Variants in CNTN4 observed in about 807,000 individuals in gnomAD.
The protein encoded by CNTN4 is contactin 4.
CNTN4 carries 77 observed loss-of-function variants against 122.5 expected under a neutral mutation model. The ratio of observed to expected loss-of-function variants is 0.63; its 90% CI spans 0.52 to 0.76. CNTN4 has a LOEUF of 0.76. Ranked by LOEUF, CNTN4 falls within the 30% of genes least tolerant of loss-of-function variation. CNTN4 has a pLI of 0.00. For synonymous variants in CNTN4, 512 were observed against 447.0 expected (o/e 1.15, Z -1.83); for missense variants, 1,256 against 1,259.1 (o/e 1.00, Z 0.04).
intron 2 of CNTN4, among the ~76,000 whole-genome samples, chr3:2,253,097 C>T (rs938938843): frequency 3.3e-5 from 5 of 151,798 alleles, no homozygotes; most frequent in Non-Finnish European, 5.9e-5. Flanking sequence ...TTCCTGCAAT[C>T]TAGAATTAGT....
rs1349002407 is a variant in CNTN4, at chr3:2,778,125, A to T, written c.358+32428A>T. ...GCTACTCAGGAGGCTGAGGCAGGAGAATGGCGGGAACCCAGGAAGCGGAGC... is the reference window on the plus strand; with the variant it reads ...GCTACTCAGGAGGCTGAGGCAGGAGTATGGCGGGAACCCAGGAAGCGGAGC... On this transcript the variant is annotated intron_variant, in intron 6 of 24. Transcript: ENST00000418658. Among the ~76,000 whole-genome samples, 2 of 140,488 alleles carry T rather than the reference A, an allele frequency of 1.4e-5. 1 individual carries two copies. The highest frequency in any genetic ancestry group is 3.1e-5 in the Non-Finnish European group (2 of 65,230). The allele number at this position is 140,488 out of a possible 152,430, so 92.2% of individuals were successfully genotyped here.
intron 2 of CNTN4, among the ~76,000 whole-genome samples, chr3:2,138,568 G>C (rs1454972223): frequency 6.6e-6 from 1 of 152,196 alleles, no homozygotes; most frequent in Non-Finnish European, 1.5e-5. Flanking sequence ...CAGATTGTGA[G>C]TGGTCATCAT....
At chr3:2,145,971 G>T (rs563268386) in intron 2 of CNTN4, among the ~76,000 whole-genome samples, 1 of 150,370 alleles carries the variant, frequency 6.7e-6, no homozygotes, top group South Asian at 2.1e-4. Context: ...AATGAAGTTG[G>T]CATTAGTTTT....
At chr3:2,168,442 T>C (rs2149218083) in intron 2 of CNTN4, among the ~76,000 whole-genome samples, 1 of 152,136 alleles carries the variant, frequency 6.6e-6, no homozygotes, top group South Asian at 2.1e-4. Context: ...GATTCTAATA[T>C]GTGGTCAGAT....
At chr3:2,527,771 T>G (rs1273772060) in intron 3 of CNTN4, among the ~76,000 whole-genome samples, 2 of 152,140 alleles carry the variant, frequency 1.3e-5, no homozygotes, top group Non-Finnish European at 2.9e-5. Flanking sequence ...CTAGATGTCT[T>G]TCAGCCTTGC....
intron 10 of CNTN4, chr3:2,892,174 A>C (rs2094049911): frequency 6.6e-6 from 1 of 152,230 alleles, no homozygotes; most frequent in African/African-American, 2.4e-5. Context: ...GTGCATCACA[A>C]TCACTTGGAA....
At chr3:2,785,146 T>TATAG (rs1373817502) in intron 6 of CNTN4, among the ~76,000 whole-genome samples, 19 of 150,918 alleles carry the variant, frequency 1.3e-4, no homozygotes, top group Non-Finnish European at 1.9e-4. Flanking sequence ...CACATATATA[T>TATAG]AGAGAGAGAG....
chr3:2,646,741 T>G (rs2083139133), intron 4 of CNTN4, among the ~76,000 whole-genome samples: 1 of 152,212 alleles, frequency 6.6e-6, no homozygotes, highest in Admixed American at 6.5e-5. Context: ...TTTAGATTGT[T>G]CCTGAGGACT....
chr3:2,442,953 A>G (rs1575641155), intron 3 of CNTN4, among the ~76,000 whole-genome samples: 1 of 152,262 alleles, frequency 6.6e-6, no homozygotes, highest in Non-Finnish European at 1.5e-5. Flanking sequence ...TACTTATGAG[A>G]AGTAATTTAC....
intron 5 of CNTN4, among the ~76,000 whole-genome samples, chr3:2,743,852 T>C (rs757341552): frequency 6.6e-6 from 1 of 152,186 alleles, no homozygotes; most frequent in Admixed American, 6.5e-5. Context: ...TTGCCCAAGC[T>C]GGAGTGCAGT....
chr3:2,778,362 A>T (rs190147117), intron 6 of CNTN4, among the ~76,000 whole-genome samples: 102 of 152,270 alleles, frequency 6.7e-4, no homozygotes, highest in African/African-American at 2.4e-3. Flanking sequence ...ACAGAATAGT[A>T]TTCCTGTAGG....
chr3:2,742,100 G>T (rs1438166088), intron 5 of CNTN4, among the ~76,000 whole-genome samples: 1 of 152,124 alleles, frequency 6.6e-6, no homozygotes, highest in Non-Finnish European at 1.5e-5. Flanking sequence ...ACACCTTTCT[G>T]CCTGAACTTT....
chr3:2,588,317 A>G (rs1271323920), intron 4 of CNTN4, among the ~76,000 whole-genome samples: 2 of 152,152 alleles, frequency 1.3e-5, no homozygotes, highest in Non-Finnish European at 2.9e-5. Flanking sequence ...CTCAAAGAGA[A>G]TTAAGTGAAA....
intron 3 of CNTN4, among the ~76,000 whole-genome samples, chr3:2,371,533 G>A (rs1056045334): frequency 4.6e-5 from 7 of 152,142 alleles, no homozygotes; most frequent in African/African-American, 1.7e-4. Flanking sequence ...ATCGTTCAAA[G>A]ATGTAACTCA....
intron 2 of CNTN4, among the ~76,000 whole-genome samples, chr3:2,174,317 G>A (rs1044935411): frequency 1.3e-5 from 2 of 152,182 alleles, no homozygotes; most frequent in African/African-American, 4.8e-5. Context: ...ATGCATACAT[G>A]TCTTAGTTCA....
In CNTN4 at chr3:2,731,015, GTTTTT is replaced by G. The variant is rs375561166; in HGVS notation, c.56-5193_56-5189del. Among the ~76,000 whole-genome samples the G allele has an allele frequency of 8.8e-4, 128 of 145,996 alleles. No individual in the cohort carries two copies. The East Asian group carries it at 0.021, about 24-fold the overall frequency. On this transcript the variant is annotated intron_variant, in intron 4 of 24. Transcript: ENST00000418658. The stretch of plus-strand genomic sequence containing the variant: ...GCTTTATTACTCTTTTTCTTAGAGG[GTTTTT>G]TTTTTTAAGTCAAAAAATATTTTGT...
At chr3:2,671,616 G>C (rs578215431) in intron 4 of CNTN4, among the ~76,000 whole-genome samples, 1 of 152,174 alleles carries the variant, frequency 6.6e-6, no homozygotes, top group Non-Finnish European at 1.5e-5. Flanking sequence ...CATCTGCTTT[G>C]TTCTGTTGCT....
intron 13 of CNTN4, among the ~76,000 whole-genome samples, chr3:2,938,712 T>G (rs1234468057): frequency 6.6e-6 from 1 of 152,224 alleles, no homozygotes; most frequent in Non-Finnish European, 1.5e-5. Context: ...GATCCATAGC[T>G]TTATCATTTC....
chr3:2,432,612 G>A (rs1269592522), intron 3 of CNTN4, among the ~76,000 whole-genome samples: 2 of 151,830 alleles, frequency 1.3e-5, no homozygotes, highest in Non-Finnish European at 2.9e-5. Flanking sequence ...GTGCGTGTGT[G>A]TATGTGTGTA....
Sources: allele counts gnomAD v4.1 joint callset (sites outside exome capture counted in the v4.1 genomes callset), GRCh38; gene constraint gnomAD v4.1.1; transcripts MANE v1.5; gene names NCBI Gene and HGNC (gene_info 2026-07-23, HGNC 2026-07-21).